HIVEP3: variants seen among roughly 807,000 people sequenced by gnomAD.
The protein encoded by HIVEP3 is transcription factor HIVEP3.
A neutral mutation model predicts 152.8 loss-of-function variants in HIVEP3; 49 were observed. The ratio of observed to expected loss-of-function variants is 0.32; its 90% confidence interval spans 0.26 to 0.41. The LOEUF (loss-of-function observed/expected upper bound fraction) is 0.41. HIVEP3 is among the 10% of genes least tolerant of loss of function. The pLI is 1.00. For synonymous variants in HIVEP3, 1,269 were observed against 1,289.0 expected, an observed-to-expected ratio of 0.98 and a Z score of 0.33; for missense variants, 2,790 against 3,103.3, an observed-to-expected ratio of 0.90 and a Z score of 2.40.
chr1:41,995,100 A>C (rs1394586584), intron 1 of HIVEP3, among the ~76,000 whole-genome samples: 4 of 152,168 alleles, frequency 2.6e-5, no homozygotes, highest in Non-Finnish European at 5.9e-5. Flanking sequence ...GAAATATTTT[A>C]AAAGATAATC....
intron 1 of HIVEP3, among the ~76,000 whole-genome samples, chr1:41,968,137 C>A (rs1406430523): frequency 6.6e-6 from 1 of 151,962 alleles, no homozygotes; most frequent in Non-Finnish European, 1.5e-5. Flanking sequence ...GAGATGGTAC[C>A]ATTTCTTCTG....
Position 41,704,004 on chromosome 1 carries a change from C to T in HIVEP3, c.-800-3009G>A, listed in dbSNP as rs189492952. ...TCAAGTCCTCACTCTTGTTCTGTCA[C>T]TCACTAGTTGTATACTTACCTCCTG... On this transcript the variant is annotated intron_variant, in intron 1 of 8. Coordinates refer to ENST00000372583, the MANE Select transcript of HIVEP3 (RefSeq NM_024503.5). Among the ~76,000 whole-genome samples the T allele has an allele frequency of 3.9e-3, 590 of 152,328 alleles. 5 individuals carry two copies. The highest frequency in any genetic ancestry group is 0.014 in the African/African-American group (577 of 41,562).
chr1:41,604,819 ATAGCCCAGGCACAGTGGCT>A (rs1431609593), intron 3 of HIVEP3, among the ~76,000 whole-genome samples: 1 of 152,152 alleles, frequency 6.6e-6, no homozygotes, highest in African/African-American at 2.4e-5. Context: ...AGAAAATAGG[ATAGCCCAGGCACAGTGGCT>A]CATGCCTATA....
intron 1 of HIVEP3, among the ~76,000 whole-genome samples, chr1:42,005,829 C>T (rs571634287): frequency 6.6e-6 from 1 of 152,266 alleles, no homozygotes; most frequent in African/African-American, 2.4e-5. Flanking sequence ...TTAGAGGTAA[C>T]TAAAATTTAA....
At chr1:41,853,925 C>T (rs1197507608) in intron 1 of HIVEP3, among the ~76,000 whole-genome samples, 1 of 152,122 alleles carries the variant, frequency 6.6e-6, no homozygotes, top group Non-Finnish European at 1.5e-5. Context: ...TGTGTGAGCT[C>T]ACCAAGGGAG....
chr1:41,880,141 C>A (rs796725), intron 1 of HIVEP3, among the ~76,000 whole-genome samples: 118,546 of 151,940 alleles, frequency 0.78, 46,586 homozygotes, highest in East Asian at 1. Context: ...CCCACTGTAG[C>A]CTTCACCTCT....
intron 1 of HIVEP3, among the ~76,000 whole-genome samples, chr1:41,872,304 G>C (rs1247582713): frequency 6.6e-6 from 1 of 152,180 alleles, no homozygotes; most frequent in Admixed American, 6.5e-5. Context: ...GGCGGGATTG[G>C]TTACAAGTTG....
chr1:41,866,350 G>T (rs1271037742), intron 1 of HIVEP3, among the ~76,000 whole-genome samples: 1 of 152,248 alleles, frequency 6.6e-6, no homozygotes, highest in African/African-American at 2.4e-5. Context: ...AAGAGCCAAA[G>T]ATTCTCTTCT....
At chr1:41,633,076 C>A (rs966954853) in intron 2 of HIVEP3, among the ~76,000 whole-genome samples, 2 of 152,056 alleles carry the variant, frequency 1.3e-5, no homozygotes, top group African/African-American at 2.4e-5. Flanking sequence ...CTGACTGTCC[C>A]CAGTCTCCCC....
chr1:41,869,023 G>T (rs1178761551), intron 1 of HIVEP3, among the ~76,000 whole-genome samples: 1 of 152,176 alleles, frequency 6.6e-6, no homozygotes, highest in Non-Finnish European at 1.5e-5. Flanking sequence ...CAAAGGTGGG[G>T]TTCAAAGCAA....
intron 1 of HIVEP3, among the ~76,000 whole-genome samples, chr1:41,735,867 T>C (rs1558223930): frequency 6.6e-6 from 1 of 151,932 alleles, no homozygotes; most frequent in Admixed American, 6.6e-5. Context: ...TTCCAGTAAG[T>C]GGAGGCTGGA....
rs190695395 is a variant in HIVEP3 at position 41,641,513 on chromosome 1, A to C, written c.-720-12566T>G. ...CAGACAGAAAGGCTGTGCCAAAGGA[A>C]ATTGTGTGCCACAGGGCCCACTTGG... On this transcript the variant is annotated intron_variant, in intron 2 of 8. Coordinates refer to ENST00000372583, the MANE Select transcript of HIVEP3 (RefSeq NM_024503.5). Among the ~76,000 whole-genome samples, 269 of 152,312 alleles carry C rather than the reference A, an allele frequency of 1.8e-3. 3 individuals are homozygous for C. Among genetic ancestry groups the C allele is most frequent in the African/African-American group, 5.9e-3 (246 of 41,558 alleles).
intron 1 of HIVEP3, among the ~76,000 whole-genome samples, chr1:41,750,040 T>C (rs1195676875): frequency 6.6e-6 from 1 of 152,202 alleles, no homozygotes; most frequent in Non-Finnish European, 1.5e-5. Flanking sequence ...TCTGGTTCTG[T>C]AATCCTTAGA....
At position 41,902,051 on chromosome 1, in the gene HIVEP3, G is replaced by C. The variant is rs144499682; in HGVS notation, c.-801+16362C>G. ...TCTGGCTAAGAAGTGAGGAGGGGGA[G>C]AGCTGCAAAGCCCAGAAACTACCCA... On this transcript the variant is annotated intron_variant, in intron 1 of 8. Coordinates refer to ENST00000372583, the MANE Select transcript of HIVEP3 (RefSeq NM_024503.5). Among the ~76,000 whole-genome samples, 38 of 152,180 alleles carry C rather than the reference G, an allele frequency of 2.5e-4. No individual in the cohort carries two copies. In the East Asian group the frequency reaches 6.2e-3, roughly 25 times the overall value.
At chr1:41,526,863 TCACA>T (rs1185064399) in intron 5 of HIVEP3, among the ~76,000 whole-genome samples, 1 of 86,076 alleles carries the variant, frequency 1.2e-5, no homozygotes, top group Non-Finnish European at 2.3e-5. Flanking sequence ...CCTAACACGC[TCACA>T]CACAGCCTCA....
chr1:41,522,757 G>A (rs547007809), intron 6 of HIVEP3, among the ~76,000 whole-genome samples: 1 of 152,356 alleles, frequency 6.6e-6, no homozygotes, highest in Admixed American at 6.5e-5. Flanking sequence ...AATTGAGTGG[G>A]CCCCCTGTGG....
At chr1:41,965,395 A>G (rs1401504521) in intron 1 of HIVEP3, among the ~76,000 whole-genome samples, 2 of 152,374 alleles carry the variant, frequency 1.3e-5, no homozygotes, top group East Asian at 3.9e-4. Flanking sequence ...GAACTGACAG[A>G]AGTAGGCTTC....
chr1:41,549,197 A>G (rs1643870249), intron 5 of HIVEP3, among the ~76,000 whole-genome samples: 1 of 152,216 alleles, frequency 6.6e-6, no homozygotes, highest in South Asian at 2.1e-4. Flanking sequence ...CACAAAGGAC[A>G]TGAACTCATC....
intron 1 of HIVEP3, among the ~76,000 whole-genome samples, chr1:41,759,894 TA>T (rs1647555258): frequency 6.6e-6 from 1 of 152,200 alleles, no homozygotes; most frequent in Admixed American, 6.5e-5. Context: ...AGACTATGGA[TA>T]AAACGAGAGG....
Sources: gnomAD v4.1 joint callset for allele counts (sites outside exome capture counted in the v4.1 genomes callset) on GRCh38, gnomAD v4.1.1 for gene constraint, MANE v1.5 for transcripts, NCBI Gene and HGNC (gene_info 2026-07-23, HGNC 2026-07-21) for gene names.